Variants in SYNE2 observed in about 807,000 individuals in gnomAD.
The protein encoded by SYNE2 is nesprin-2.
In SYNE2, 431 loss-of-function variants were observed where a neutral mutation model predicts 856.3. The observed-to-expected ratio is 0.50, with a 90% CI of 0.47 to 0.55. The LOEUF (loss-of-function observed/expected upper bound fraction) is 0.55. Among genes scored for constraint, SYNE2 ranks in the 20% least tolerant of loss-of-function variants. The pLI is 0.00. For synonymous variants in SYNE2, 2,923 were observed against 2,872.3 expected, an observed-to-expected ratio of 1.02 and a Z score of -0.56; for missense variants, 8,129 against 8,023.2, an observed-to-expected ratio of 1.01 and a Z score of -0.50.
chr14:64,125,910 C>G (rs2097940500), intron 71 of SYNE2, among the ~76,000 whole-genome samples: 1 of 152,224 alleles, frequency 6.6e-6, no homozygotes, highest in Admixed American at 6.5e-5. Flanking sequence ...CTTCAAGCTT[C>G]TCTTTTGTGA....
chr14:63,906,533 A>G (rs1312318645), intron 1 of SYNE2, among the ~76,000 whole-genome samples: 2 of 152,186 alleles, frequency 1.3e-5, no homozygotes, highest in Non-Finnish European at 2.9e-5. Flanking sequence ...TTCCCAATTC[A>G]ATCTTGGGAA....
intron 1 of SYNE2, among the ~76,000 whole-genome samples, chr14:63,812,334 C>G (rs1443715443): frequency 6.6e-6 from 1 of 152,130 alleles, no homozygotes; most frequent in Non-Finnish European, 1.5e-5. Flanking sequence ...TCTGCCCAAC[C>G]CTGCAGGCAG....
intron 107 of SYNE2, 173 bp from the exon 108 acceptor site, chr14:64,216,075 C>T (rs1037377944): frequency 2.0e-6 from 3 of 1,510,202 alleles, no homozygotes; most frequent in Non-Finnish European, 2.6e-6. Context: ...CACAGTGTTG[C>T]TGAGTTGCAT....
At chr14:63,882,268 T>C (rs1403532865) in intron 1 of SYNE2, among the ~76,000 whole-genome samples, 2 of 152,228 alleles carry the variant, frequency 1.3e-5, no homozygotes, top group Non-Finnish European at 2.9e-5. Flanking sequence ...ATTCCATTTA[T>C]GGTTTTAATT....
chr14:63,855,836 G>A (rs763188720), intron 1 of SYNE2, among the ~76,000 whole-genome samples: 12 of 152,176 alleles, frequency 7.9e-5, no homozygotes, highest in Non-Finnish European at 1.3e-4. Flanking sequence ...GGTAACTGGC[G>A]TATAGCAGGT....
intron 11 of SYNE2, among the ~76,000 whole-genome samples, chr14:63,972,774 A>C (rs1399323015): frequency 1.3e-5 from 2 of 152,152 alleles, no homozygotes; most frequent in African/African-American, 2.4e-5. Context: ...GTCGGAAAAA[A>C]CAGGTTTGGT....
intron 6 of SYNE2, among the ~76,000 whole-genome samples, chr14:63,944,986 T>C (rs1164084886): frequency 6.6e-6 from 1 of 151,308 alleles, no homozygotes; most frequent in Non-Finnish European, 1.5e-5. Flanking sequence ...TTTTGTAGTT[T>C]TAGTAGAGAC....
intron 82 of SYNE2, among the ~76,000 whole-genome samples, chr14:64,142,776 A>G (rs1356825175): frequency 6.6e-6 from 1 of 152,240 alleles, no homozygotes; most frequent in Non-Finnish European, 1.5e-5. Flanking sequence ...GAGTAAGAGA[A>G]TGAGTAAGAA....
chr14:63,895,327 T>C (rs992666715), intron 1 of SYNE2, among the ~76,000 whole-genome samples: 1 of 151,258 alleles, frequency 6.6e-6, no homozygotes, highest in Non-Finnish European at 1.5e-5. Flanking sequence ...GCCAGGCTGG[T>C]CTTGAACTCC....
chr14:64,039,421 A>ATGTT (rs1243649272), intron 45 of SYNE2, among the ~76,000 whole-genome samples: 1 of 152,214 alleles, frequency 6.6e-6, no homozygotes, highest in Non-Finnish European at 1.5e-5. Flanking sequence ...CTGAAGTGGA[A>ATGTT]TGTTCACTTT....
chr14:63,807,175 T>TAA (rs1195477453), intron 1 of SYNE2, among the ~76,000 whole-genome samples: 4 of 151,654 alleles, frequency 2.6e-5, no homozygotes, highest in African/African-American at 9.7e-5. Context: ...TACCAAAAAA[T>TAA]AAAAAAGTAA....
At chr14:64,122,212 C>T (rs931154838) in intron 69 of SYNE2, 74 bp from the exon 70 acceptor site, 3 of 1,613,674 alleles carry the variant, frequency 1.9e-6, no homozygotes, top group African/African-American at 2.7e-5. Flanking sequence ...TTAAAAATTG[C>T]TCATAGAACT....
intron 6 of SYNE2, among the ~76,000 whole-genome samples, chr14:63,946,725 A>C (rs1239188620): frequency 6.7e-6 from 1 of 150,090 alleles, no homozygotes; most frequent in African/African-American, 2.4e-5. Flanking sequence ...CCTTTGTAGA[A>C]TATATATATA....
intron 1 of SYNE2, among the ~76,000 whole-genome samples, chr14:63,867,669 G>A (rs973241279): frequency 1.3e-5 from 2 of 152,090 alleles, no homozygotes; most frequent in African/African-American, 4.8e-5. Context: ...CTGCACTCCA[G>A]CCTGGATGAC....
At position 64,223,377 on chromosome 14, in the gene SYNE2, C is replaced by A; in HGVS notation, c.20379C>A (p.Thr6793=). 6.2e-7 allele frequency: 1 copy of A among 1,613,692 alleles called. No individual in the cohort carries two copies. Among genetic ancestry groups the A allele is most frequent in the South Asian group, 1.1e-5 (1 of 90,924 alleles). The stretch of plus-strand genomic sequence containing the variant: ...AAGATTTAATGGCCTTGCAGGGAAC[C>A]CAGGTGAGTCTACTTGTAGCTTTTA... ...VSQDLMALQG[T]QNPASPLPSF... is the part of the protein sequence containing the mutation. Residue 6793 remains threonine, a synonymous_variant, in exon 113 of 116, where the codon ACC becomes ACA. Transcript: ENST00000555002.
chr14:64,209,245 G>C, intron 101 of SYNE2, 183 bp from the exon 102 acceptor site: 1 of 1,028,692 alleles, frequency 9.7e-7, no homozygotes, highest in East Asian at 2.6e-5. Context: ...TGAAGCAGGA[G>C]CTCTGAGCTG....
intron 50 of SYNE2, among the ~76,000 whole-genome samples, chr14:64,064,386 T>C (rs1482599131): frequency 6.6e-6 from 1 of 152,166 alleles, no homozygotes; most frequent in East Asian, 1.9e-4. Context: ...ATAGCACTTA[T>C]ATATTTATAT....
At chr14:64,103,710 C>T (rs1252998887) in intron 64 of SYNE2, among the ~76,000 whole-genome samples, 1 of 152,114 alleles carries the variant, frequency 6.6e-6, no homozygotes, top group Non-Finnish European at 1.5e-5. Context: ...GCTTCCCCTC[C>T]CTAACATGTT....
At chr14:64,080,670 A>G (rs1375497363) in intron 56 of SYNE2, 32 bp downstream of exon 56, 1 of 1,609,688 alleles carries the variant, frequency 6.2e-7, no homozygotes, top group Non-Finnish European at 8.5e-7. Flanking sequence ...GCTTCATATC[A>G]TGTGGTGGTA....
Sources: allele counts gnomAD v4.1 joint callset (sites outside exome capture counted in the v4.1 genomes callset), GRCh38; gene constraint gnomAD v4.1.1; transcripts MANE v1.5; gene names NCBI Gene and HGNC (gene_info 2026-07-23, HGNC 2026-07-21).